Variants in CHMP4C observed in about 807,000 individuals in gnomAD.
CHMP4C encodes the protein SNF7 homolog associated with Alix 3.
CHMP4C carries 28 observed loss-of-function variants against 29.0 expected under a neutral mutation model. That is an observed-to-expected ratio of 0.97 (90% CI 0.72 to 1.32). The LOEUF is 1.32. Among genes scored for constraint, CHMP4C ranks in the 40% most tolerant of loss-of-function variants. The pLI is 0.00. For missense variants in CHMP4C, 291 were observed against 281.0 expected (o/e 1.04, Z -0.25); for synonymous variants, 106 against 102.4 (o/e 1.04, Z -0.21).
intron 1 of CHMP4C, among the ~76,000 whole-genome samples, chr8:81,735,109 G>T (rs559670191): frequency 6.6e-6 from 1 of 152,242 alleles, no homozygotes; most frequent in South Asian, 2.1e-4. Flanking sequence ...GGCCAAGCTG[G>T]TCTCAAACTC....
chr8:81,746,198 T>C (rs190925054), intron 1 of CHMP4C, among the ~76,000 whole-genome samples: 5 of 152,306 alleles, frequency 3.3e-5, no homozygotes, highest in Admixed American at 6.5e-5. Context: ...ATGTCAGGTA[T>C]CCTAGGACCT....
At chr8:81,751,822 T>C (rs1198281190) in intron 1 of CHMP4C, among the ~76,000 whole-genome samples, 1 of 152,164 alleles carries the variant, frequency 6.6e-6, no homozygotes, top group East Asian at 1.9e-4. Flanking sequence ...AACACTCATG[T>C]AGCGAAATAT....
chr8:81,758,949 C>G lies in CHMP4C; in HGVS notation c.*405C>G, dbSNP rs948262251. 1.3e-5 allele frequency: 2 copies of G among 154,958 alleles called. No individual in the cohort carries two copies. The highest frequency in any genetic ancestry group is 5.0e-5 in the African/African-American group (2 of 40,142). 9.6% of individuals were successfully genotyped at this position (154,958 alleles called of 1,614,324 possible). On this transcript the variant is annotated 3_prime_UTR_variant, in exon 5 of 5. Coordinates refer to ENST00000297265, the MANE Select transcript of CHMP4C (RefSeq NM_152284.4). ...CCAGGAGATGGAGGTTGCAGTGAGC[C>G]AAGATCATGCCACTGCACTCCAGAC...
At chr8:81,743,633 G>A (rs895785073) in intron 1 of CHMP4C, among the ~76,000 whole-genome samples, 2 of 152,300 alleles carry the variant, frequency 1.3e-5, no homozygotes, top group African/African-American at 2.4e-5. Context: ...GAATTTTAGT[G>A]AGTATTTAAA....
intron 1 of CHMP4C, among the ~76,000 whole-genome samples, chr8:81,749,608 A>G (rs1808871239): frequency 6.6e-6 from 1 of 152,196 alleles, no homozygotes; most frequent in Admixed American, 6.5e-5. Flanking sequence ...GGAGCTCTGA[A>G]GCTCTAGACC....
In CHMP4C at chr8:81,756,944, C is replaced by T. The variant is rs115671119; in HGVS notation, c.484-1198C>T. Among the ~76,000 whole-genome samples, 881 of 152,188 alleles carry T rather than the reference C, an allele frequency of 5.8e-3. 15 individuals are homozygous for T. Among genetic ancestry groups the T allele is most frequent in the African/African-American group, 0.02 (823 of 41,542 alleles). On this transcript the variant is annotated intron_variant, in intron 3 of 4. Coordinates refer to ENST00000297265, the MANE Select transcript of CHMP4C (RefSeq NM_152284.4). Reference sequence around the variant, plus strand: ...ACTATATTGACTGTGCTATTTCATACGGCCCAATGCTATACACCTTCATAT... The same window carrying T: ...ACTATATTGACTGTGCTATTTCATATGGCCCAATGCTATACACCTTCATAT...
chr8:81,756,748 T>G (rs1808977764), intron 3 of CHMP4C, among the ~76,000 whole-genome samples: 1 of 152,192 alleles, frequency 6.6e-6, no homozygotes, highest in Non-Finnish European at 1.5e-5. Flanking sequence ...TTGATAACGA[T>G]GATGCACTAT....
chr8:81,751,119 A>G (rs1210801281), intron 1 of CHMP4C, among the ~76,000 whole-genome samples: 1 of 152,138 alleles, frequency 6.6e-6, no homozygotes, highest in Admixed American at 6.5e-5. Context: ...CAAAATAAAG[A>G]CATATTCAGA....
chr8:81,758,347 G>A (rs1043232987), intron 4 of CHMP4C, 52 bp downstream of exon 4: 18 of 1,600,922 alleles, frequency 1.1e-5, no homozygotes, highest in Non-Finnish European at 1.5e-5. Context: ...TAAAATGATA[G>A]CCAGGCCCAT....
chr8:81,749,418 G>T (rs767250211), intron 1 of CHMP4C, among the ~76,000 whole-genome samples: 1 of 152,100 alleles, frequency 6.6e-6, no homozygotes, highest in Non-Finnish European at 1.5e-5. Context: ...TATTTTGTTG[G>T]CCAGGTGCCA....
At chr8:81,741,586 G>A (rs969713646) in intron 1 of CHMP4C, among the ~76,000 whole-genome samples, 2 of 152,108 alleles carry the variant, frequency 1.3e-5, no homozygotes, top group African/African-American at 2.4e-5. Context: ...AAAATTATAA[G>A]GTTTGGCTTT....
chr8:81,741,817 G>A (rs775026286), intron 1 of CHMP4C, among the ~76,000 whole-genome samples: 7 of 151,920 alleles, frequency 4.6e-5, no homozygotes, highest in African/African-American at 1.2e-4. Context: ...GGTAATTTTC[G>A]TTTCTCCTAC....
At chr8:81,742,545 T>G (rs1021175596) in intron 1 of CHMP4C, among the ~76,000 whole-genome samples, 10 of 152,226 alleles carry the variant, frequency 6.6e-5, no homozygotes, top group African/African-American at 2.4e-4. Context: ...ATTCTTTATT[T>G]AAATATGAAG....
At chr8:81,748,163 G>A (rs918152731) in intron 1 of CHMP4C, among the ~76,000 whole-genome samples, 9 of 152,106 alleles carry the variant, frequency 5.9e-5, no homozygotes, top group Non-Finnish European at 4.4e-5. Flanking sequence ...GCTCTGTTCT[G>A]CCCGGCTCAC....
chr8:81,733,699 C>A (rs1230125879), intron 1 of CHMP4C, among the ~76,000 whole-genome samples: 2 of 152,170 alleles, frequency 1.3e-5, no homozygotes, highest in Non-Finnish European at 2.9e-5. Context: ...TATTGGAATA[C>A]CTCTAAACAG....
At chr8:81,752,286 A>G (rs1376368799) in intron 1 of CHMP4C, among the ~76,000 whole-genome samples, 1 of 152,172 alleles carries the variant, frequency 6.6e-6, no homozygotes, top group Admixed American at 6.6e-5. Context: ...ATGCATTATC[A>G]AAACAGATAT....
At chr8:81,741,160 C>T (rs1307492947) in intron 1 of CHMP4C, among the ~76,000 whole-genome samples, 1 of 151,996 alleles carries the variant, frequency 6.6e-6, no homozygotes, top group Non-Finnish European at 1.5e-5. Context: ...TATAATATTA[C>T]ATCTAGTTTT....
At chr8:81,754,903 T>G (rs1808950827) in intron 2 of CHMP4C, among the ~76,000 whole-genome samples, 2 of 152,008 alleles carry the variant, frequency 1.3e-5, no homozygotes, top group Non-Finnish European at 2.9e-5. Context: ...AGCTGCTAAG[T>G]GTTACAAAAA....
chr8:81,742,818 A>T (rs1252035056), intron 1 of CHMP4C, among the ~76,000 whole-genome samples: 2 of 152,214 alleles, frequency 1.3e-5, no homozygotes, highest in Non-Finnish European at 2.9e-5. Context: ...ATGGTCAACT[A>T]ATTTGCAAGT....
Sources: allele counts gnomAD v4.1 joint callset (sites outside exome capture counted in the v4.1 genomes callset), GRCh38; gene constraint gnomAD v4.1.1; transcripts MANE v1.5; gene names NCBI Gene and HGNC (gene_info 2026-07-23, HGNC 2026-07-21).